MID1: variants seen among roughly 807,000 people sequenced by gnomAD.
MID1 encodes midline 1.
Under a neutral mutation model 40.4 loss-of-function variants are expected in MID1, and 7 were observed. That is an observed-to-expected ratio of 0.17 (90% confidence interval 0.10 to 0.33). The LOEUF (loss-of-function observed/expected upper bound fraction) is 0.33, where lower values mean the gene tolerates loss of function less well. MID1 is among the 10% of genes least tolerant of loss of function. The pLI, the probability that MID1 is intolerant of heterozygous loss-of-function variation, is 1.00. For synonymous variants in MID1, 229 were observed against 221.2 expected (o/e 1.04, Z -0.31); for missense variants, 367 against 558.5 (o/e 0.66, Z 3.46).
chrX:10,516,438 C>T (rs1171547773), intron 3 of MID1, among the ~76,000 whole-genome samples: 6 of 110,179 alleles, frequency 5.4e-5, no homozygotes, highest in African/African-American at 1.6e-4. Context: ...TCGTGATCCA[C>T]CCACCTGGGC....
At chrX:10,476,200 G>A (rs1459777257) in intron 5 of MID1, among the ~76,000 whole-genome samples, 1 of 111,793 alleles carries the variant, frequency 8.9e-6, no homozygotes, top group Non-Finnish European at 1.9e-5. Context: ...ATTGGTGGTT[G>A]CTAGGGGCTA....
chrX:10,563,736 C>T (rs994528359), intron 2 of MID1, among the ~76,000 whole-genome samples: 7 of 111,664 alleles, frequency 6.3e-5, no homozygotes, highest in African/African-American at 2.3e-4. Context: ...GCATAGTCTC[C>T]GAAAGCGTTA....
At chrX:10,456,528 A>C (rs1386149326) in intron 8 of MID1, among the ~76,000 whole-genome samples, 1 of 112,429 alleles carries the variant, frequency 8.9e-6, no homozygotes, top group Non-Finnish European at 1.9e-5. Flanking sequence ...TTAGAAATCT[A>C]TTTCTGTACA....
intron 1 of MID1, among the ~76,000 whole-genome samples, chrX:10,828,037 A>G (rs1467170671): frequency 5.4e-5 from 6 of 112,005 alleles, no homozygotes. Context: ...TAAATTTAGC[A>G]TAAAATATTT....
chrX:10,804,726 C>T (rs970137750), intron 1 of MID1, among the ~76,000 whole-genome samples: 3 of 111,034 alleles, frequency 2.7e-5, no homozygotes, highest in Admixed American at 1.9e-4. Flanking sequence ...ACAAGTGACT[C>T]TCAGCTTTTA....
intron 2 of MID1, among the ~76,000 whole-genome samples, chrX:10,550,033 T>A (rs1209898048): frequency 8.8e-6 from 1 of 113,121 alleles, no homozygotes; most frequent in Non-Finnish European, 1.9e-5. Flanking sequence ...CAATGCTATA[T>A]AAATATAAAT....
At chrX:10,583,387 T>C (rs1276810160) in intron 1 of MID1, among the ~76,000 whole-genome samples, 1 of 112,127 alleles carries the variant, frequency 8.9e-6, no homozygotes, top group African/African-American at 3.2e-5. Flanking sequence ...ATTTTGGCTT[T>C]TTCCCTGCCA....
chrX:10,632,407 G>A (rs1027569321), intron 1 of MID1, among the ~76,000 whole-genome samples: 2 of 111,379 alleles, frequency 1.8e-5, no homozygotes, highest in Admixed American at 9.5e-5. Context: ...TAAAAGATAC[G>A]GGTGCCTGAG....
intron 1 of MID1, among the ~76,000 whole-genome samples, chrX:10,741,329 G>A (rs1244806283): frequency 9.0e-6 from 1 of 111,213 alleles, no homozygotes; most frequent in Non-Finnish European, 1.9e-5. Flanking sequence ...AGGATCGTGA[G>A]AGGCTTATAC....
intron 1 of MID1, among the ~76,000 whole-genome samples, chrX:10,801,644 A>G (rs1401097465): frequency 8.9e-6 from 1 of 112,182 alleles, no homozygotes; most frequent in East Asian, 2.8e-4. Context: ...CTGGCTAGCC[A>G]TATGCAAAAG....
At chrX:10,754,309 G>GTTTTTTTTTTTTTTTTTTTTTTTTT (rs200251008) in intron 1 of MID1, among the ~76,000 whole-genome samples, 2 of 104,586 alleles carry the variant, frequency 1.9e-5, no homozygotes, top group African/African-American at 8.0e-5. Flanking sequence ...GTTTTTTTTT[G>GTTTTTTTTTTTTTTTTTTTTTTTTT]TTTTTTGTTT....
intron 1 of MID1, among the ~76,000 whole-genome samples, chrX:10,746,699 C>G (rs1213311868): frequency 9.0e-6 from 1 of 110,672 alleles, no homozygotes; most frequent in Non-Finnish European, 1.9e-5. Context: ...AAAACCTGTT[C>G]CTCCACTTGT....
rs1010944787 is a variant in MID1 at position 10,613,832 on chromosome X, A to G, written c.-57+6458T>C. On this transcript the variant is annotated intron_variant, in intron 1 of 9. Transcript: ENST00000317552. ...TATATAAATGGACTATATATATATA[A>G]AACCATATACATATAGTTCAGTAAT... is the stretch of plus-strand genomic sequence containing the variant. Among the ~76,000 whole-genome samples the G allele has an allele frequency of 2.9e-5, 3 of 102,213 alleles. No individual in the cohort carries two copies. The Admixed American group carries it at 3.2e-4, about 11-fold the overall frequency. The allele number at this position is 102,213 out of a possible 115,157, so 88.8% of individuals were successfully genotyped here.
At chrX:10,765,877 AAAG>A (rs1177714396) in intron 1 of MID1, among the ~76,000 whole-genome samples, 1 of 107,708 alleles carries the variant, frequency 9.3e-6, no homozygotes, top group Non-Finnish European at 1.9e-5. Context: ...TAAAAGACAA[AAAG>A]AAAGAAAGAA....
intron 1 of MID1, among the ~76,000 whole-genome samples, chrX:10,662,628 T>C (rs1438232875): frequency 8.9e-6 from 1 of 111,853 alleles, no homozygotes; most frequent in East Asian, 2.8e-4. Context: ...ACATATTCAA[T>C]ATACATAGGT....
intron 1 of MID1, among the ~76,000 whole-genome samples, chrX:10,740,254 T>C (rs1481981322): frequency 1.8e-5 from 2 of 113,105 alleles, no homozygotes; most frequent in Non-Finnish European, 3.7e-5. Context: ...ACTCTACATA[T>C]GACTTGGGGT....
chrX:10,470,129 A>T (rs1249503495), intron 6 of MID1, among the ~76,000 whole-genome samples: 1 of 112,404 alleles, frequency 8.9e-6, no homozygotes, highest in Admixed American at 9.4e-5. Context: ...CATGAAGGAA[A>T]ACTTGTCAAA....
chrX:10,830,416 A>G (rs2044245602), intron 1 of MID1, among the ~76,000 whole-genome samples: 1 of 112,553 alleles, frequency 8.9e-6, no homozygotes. Flanking sequence ...CAGAGTACTT[A>G]GCATAGGACT....
At chrX:10,826,847 C>G (rs1300228387) in intron 1 of MID1, among the ~76,000 whole-genome samples, 1 of 112,252 alleles carries the variant, frequency 8.9e-6, no homozygotes, top group Non-Finnish European at 1.9e-5. Context: ...AGGATGATGC[C>G]TGGTTCAGAG....
Sources: allele counts gnomAD v4.1 joint callset (sites outside exome capture counted in the v4.1 genomes callset), GRCh38; gene constraint gnomAD v4.1.1; transcripts MANE v1.5; gene names NCBI Gene and HGNC (gene_info 2026-07-23, HGNC 2026-07-21).